The following ARHGEF2 variants were observed in gnomAD, a reference collection of about 807,000 sequenced individuals.
The protein encoded by ARHGEF2 is rho guanine nucleotide exchange factor 2.
ARHGEF2 carries 22 observed loss-of-function variants against 121.0 expected under a neutral mutation model. The ratio of observed to expected loss-of-function variants is 0.18; its 90% CI spans 0.13 to 0.26. ARHGEF2 has a LOEUF of 0.26. Ranked by LOEUF, ARHGEF2 falls within the 10% of genes least tolerant of loss-of-function variation. The pLI, the probability that ARHGEF2 is intolerant of heterozygous loss-of-function variation, is 1.00. For synonymous variants in ARHGEF2, 487 were observed against 530.0 expected, an observed-to-expected ratio of 0.92 and a Z score of 1.11; for missense variants, 907 against 1,336.0, an observed-to-expected ratio of 0.68 and a Z score of 5.01.
chr1:155,950,811 C>T lies in ARHGEF2; in HGVS notation c.2703+18G>A. The T allele has an allele frequency of 6.6e-7, 1 of 1,516,368 alleles. No individual in the cohort carries two copies. The allele number at this position is 1,516,368 out of a possible 1,614,324, so 93.9% of individuals were successfully genotyped here. ...TTATGTCCACCCCAGGTCCATTCAC[C>T]ACTGCAGGCCACCTTACCTGTGGGG... is the stretch of plus-strand genomic sequence containing the variant. On this transcript the variant is annotated intron_variant, in intron 20 of 21. Transcript: ENST00000361247. This position sits in a 1 kb window ranked among gnomAD's most constrained non-coding sequence, Gnocchi z 5.2.
chr1:155,976,079 G>A (rs1429406563), intron 1 of ARHGEF2, among the ~76,000 whole-genome samples: 1 of 151,884 alleles, frequency 6.6e-6, no homozygotes, highest in Non-Finnish European at 1.5e-5. Flanking sequence ...CTCCTCCTAG[G>A]AGGAGCTCCC....
In ARHGEF2 at chr1:155,962,288, T is replaced by G; in HGVS notation, c.1102-66A>C. The G allele has an allele frequency of 6.6e-7, 1 of 1,508,612 alleles. No homozygotes were observed. The highest frequency in any genetic ancestry group is 9.2e-7 in the Non-Finnish European group (1 of 1,091,282). 93.5% of individuals were successfully genotyped at this position (1,508,612 alleles called of 1,614,324 possible). A position where few individuals can be genotyped will look rare whatever the true frequency, so the allele number is the denominator to read the frequency against. On this transcript the variant is annotated intron_variant, in intron 9 of 21. Transcript: ENST00000361247. The surrounding 1 kb of genome is among the most constrained non-coding windows in gnomAD (Gnocchi z 5.8). Reference sequence around the variant, plus strand: ...CAACAGAAAGGCCTGGGGCCTGAGCTCTGGTGCTGGCCCTGGCGTGGCCAT... The same window carrying G: ...CAACAGAAAGGCCTGGGGCCTGAGCGCTGGTGCTGGCCCTGGCGTGGCCAT...
At chr1:155,973,767 AAAAG>A (rs1312169306) in intron 1 of ARHGEF2, among the ~76,000 whole-genome samples, 2 of 152,038 alleles carry the variant, frequency 1.3e-5, no homozygotes, top group Non-Finnish European at 2.9e-5. Flanking sequence ...AAGAAAAGAA[AAAAG>A]AAAGAAAGAT....
intron 14 of ARHGEF2, 140 bp from the exon 15 acceptor site, chr1:155,952,968 A>G (rs1675818072): frequency 1.2e-6 from 1 of 804,920 alleles, no homozygotes; most frequent in Admixed American, 2.8e-5. Context: ...TATAAAAAAG[A>G]AAAAGCTTTC....
In ARHGEF2 at chr1:155,965,554, G is replaced by C; in HGVS notation, c.470+77C>G. 2 of 1,607,878 alleles carry C rather than the reference G, an allele frequency of 1.2e-6. No individual in the cohort carries two copies. The highest frequency in any genetic ancestry group is 1.7e-6 in the Non-Finnish European group (2 of 1,177,292). ...GTCTACAGTTCTGAACTCAGGGATGGAAAGGGACCTCTCAGCACCCCCTTG... is the reference window on the plus strand; with the variant it reads ...GTCTACAGTTCTGAACTCAGGGATGCAAAGGGACCTCTCAGCACCCCCTTG... On this transcript the variant is annotated intron_variant, in intron 5 of 21. Coordinates refer to ENST00000361247, the MANE Select transcript of ARHGEF2 (RefSeq NM_001162383.2). This position sits in a 1 kb window ranked among gnomAD's most constrained non-coding sequence, Gnocchi z 6.0.
chr1:155,963,888 T>C (rs1241927440), intron 7 of ARHGEF2, among the ~76,000 whole-genome samples: 2 of 150,006 alleles, frequency 1.3e-5, no homozygotes, highest in Non-Finnish European at 3.0e-5. Context: ...CTCACGCCTA[T>C]AATCCCAGCA....
At position 155,962,426 on chromosome 1, in the gene ARHGEF2, T is replaced by C; in HGVS notation, c.1101+167A>G. On this transcript the variant is annotated intron_variant, in intron 9 of 21. Coordinates refer to ENST00000361247, the MANE Select transcript of ARHGEF2 (RefSeq NM_001162383.2). This position sits in a 1 kb window ranked among gnomAD's most constrained non-coding sequence, Gnocchi z 5.8. ...AAGTACTTGGGAAACTACCACAACG[T>C]GCTCTAGCATTCTGAGGGGTTACTG... The C allele has an allele frequency of 8.9e-7, 1 of 1,125,872 alleles. No individual in the cohort carries two copies. The highest frequency in any genetic ancestry group is 1.3e-6 in the Non-Finnish European group (1 of 783,118). 69.7% of individuals were successfully genotyped at this position (1,125,872 alleles called of 1,614,324 possible).
rs780464717 is a variant in ARHGEF2, at chr1:155,961,713, T to C, written c.1416A>G (p.Lys472=). ...AGAGCAGGCAGCCATCGTGGATGAGTTTGCGCCTCAGAAGTTCCTCTCGGC... is the reference window on the plus strand; with the variant it reads ...AGAGCAGGCAGCCATCGTGGATGAGCTTGCGCCTCAGAAGTTCCTCTCGGC... The part of the protein sequence containing the change: ...PFGREELLRR[K]LIHDGCLLWK... Residue 472 remains lysine, a synonymous_variant, in exon 11 of 22, where the codon AAA becomes AAG. Coordinates refer to ENST00000361247, the MANE Select transcript of ARHGEF2 (RefSeq NM_001162383.2). This position sits in a 1 kb window ranked among gnomAD's most constrained non-coding sequence, Gnocchi z 4.7. 3.0e-5 allele frequency: 48 copies of C among 1,613,912 alleles called. No homozygotes were observed. Among genetic ancestry groups the C allele is most frequent in the Non-Finnish European group, 3.8e-5 (45 of 1,180,032 alleles).
upstream of ARHGEF2, chr1:155,978,873 C>A: frequency 1.0e-6 from 1 of 987,984 alleles, no homozygotes; most frequent in Non-Finnish European, 1.2e-6. The surrounding 1 kb of genome is among the most constrained non-coding windows in gnomAD (Gnocchi z 4.1). Flanking sequence ...TTCTTCCCTT[C>A]TCCCCTCGCC....
At chr1:155,969,946 G>A in intron 1 of ARHGEF2, 1 of 985,364 alleles carries the variant, frequency 1.0e-6, no homozygotes, top group Non-Finnish European at 1.2e-6. Flanking sequence ...GCCTGTCTGG[G>A]AGGCAGCATG....
In ARHGEF2 at chr1:155,950,296, C is replaced by G; in HGVS notation, c.2887+3G>C. ...CTGGTCCATGTCTCCGCCAGGGTCT[C>G]ACCTCGTGGACTGTGGGGCGGAGAC... On this transcript the variant is annotated splice_donor_region_variant and intron_variant, in intron 21 of 21. Transcript: ENST00000361247. This position sits in a 1 kb window ranked among gnomAD's most constrained non-coding sequence, Gnocchi z 5.2. 2 of 1,611,950 alleles carry G rather than the reference C, an allele frequency of 1.2e-6. No individual in the cohort carries two copies. Among genetic ancestry groups the G allele is most frequent in the Middle Eastern group, 3.7e-4 (2 of 5,392 alleles).
chr1:155,953,506 G>T (rs2102636556), intron 14 of ARHGEF2, among the ~76,000 whole-genome samples: 1 of 151,412 alleles, frequency 6.6e-6, no homozygotes, highest in South Asian at 2.1e-4. Context: ...TATAGGCTGG[G>T]CATGGCAGGT....
At chr1:155,978,795 C>T (rs868388245), upstream of ARHGEF2, 3 of 939,228 alleles carry the variant, frequency 3.2e-6, no homozygotes, top group African/African-American at 5.3e-5. This position sits in a 1 kb window ranked among gnomAD's most constrained non-coding sequence, Gnocchi z 4.1. Flanking sequence ...CTTAGCTCTT[C>T]TTTTCCTAAA....
chr1:155,978,927 AC>A, upstream of ARHGEF2: 1 of 984,246 alleles, frequency 1.0e-6, no homozygotes, highest in Non-Finnish European at 1.2e-6. This position sits in a 1 kb window ranked among gnomAD's most constrained non-coding sequence, Gnocchi z 4.1. Flanking sequence ...GTCTTTAAAG[AC>A]CCGCAGGCAG....
intron 1 of ARHGEF2, among the ~76,000 whole-genome samples, chr1:155,975,340 C>A (rs1681124375): frequency 6.6e-6 from 1 of 152,102 alleles, no homozygotes; most frequent in Admixed American, 6.6e-5. Flanking sequence ...ATTCCACAGC[C>A]AGAGTGGCTA....
At chr1:155,966,928 G>A (rs781632337) in intron 2 of ARHGEF2, 41 bp from the exon 3 acceptor site, 11 of 1,581,622 alleles carry the variant, frequency 7.0e-6, no homozygotes, top group Middle Eastern at 3.4e-4. Flanking sequence ...AGGGCCGGGT[G>A]GTACAGGAGG....
chr1:155,956,573 C>G (rs1336458870), intron 13 of ARHGEF2, among the ~76,000 whole-genome samples: 1 of 151,812 alleles, frequency 6.6e-6, no homozygotes, highest in Non-Finnish European at 1.5e-5. Flanking sequence ...GTAATCTCAG[C>G]TCTTTTGGAG....
intron 7 of ARHGEF2, 78 bp downstream of exon 7, chr1:155,964,894 AAAAAAAAAAAAAAAAG>A: frequency 5.2e-6 from 2 of 387,470 alleles, no homozygotes; most frequent in Non-Finnish European, 6.6e-6. Flanking sequence ...CTCCATCTCA[AAAAAAAAAAAAAAAAG>A]AAAAAGAAAA....
chr1:155,968,390 C>T (rs1426835764), intron 2 of ARHGEF2: 3 of 152,100 alleles, frequency 2.0e-5, no homozygotes, highest in African/African-American at 7.2e-5. Context: ...GGTCACAATA[C>T]CTTCAATCCT....
Sources: gnomAD v4.1 joint callset for allele counts (sites outside exome capture counted in the v4.1 genomes callset) on GRCh38, gnomAD v4.1.1 for gene constraint, Gnocchi (gnomAD v3.1) non-coding constraint, MANE v1.5 for transcripts, NCBI Gene and HGNC (gene_info 2026-07-23, HGNC 2026-07-21) for gene names.